The following SOX6 variants were observed in gnomAD, a reference collection of about 807,000 sequenced individuals.
The protein encoded by SOX6 is transcription factor SOX-6.
Under a neutral mutation model 97.8 loss-of-function variants are expected in SOX6, and 11 were observed. That is an observed-to-expected ratio of 0.11 (90% CI 0.07 to 0.19). The LOEUF is 0.19. Among genes scored for constraint, SOX6 ranks in the 10% least tolerant of loss-of-function variants. The pLI, the probability that SOX6 is intolerant of heterozygous loss-of-function variation, is 1.00. For synonymous variants in SOX6, 360 were observed against 371.4 expected (o/e 0.97, Z 0.35); for missense variants, 810 against 1,039.5 (o/e 0.78, Z 3.04).
intron 3 of SOX6, among the ~76,000 whole-genome samples, chr11:16,245,117 A>T (rs910428568): frequency 1.3e-5 from 2 of 151,674 alleles, no homozygotes; most frequent in Admixed American, 1.3e-4. Context: ...CATCCCACAC[A>T]TTTCGTTAGG....
chr11:16,301,317 A>T (rs1346812996), intron 3 of SOX6, among the ~76,000 whole-genome samples: 2 of 152,212 alleles, frequency 1.3e-5, no homozygotes, highest in Non-Finnish European at 2.9e-5. Context: ...ATGGCTAAAA[A>T]TATGTTACCC....
At chr11:16,640,689 A>T (rs11499717) in intron 3 of SOX6, among the ~76,000 whole-genome samples, 151,426 of 152,322 alleles carry the variant, frequency 0.99, 75,277 homozygotes, top group East Asian at 1. Context: ...TTTTCTAGTT[A>T]ATTTGCGTAG....
chr11:16,643,528 C>T (rs1431760850), intron 3 of SOX6, among the ~76,000 whole-genome samples: 1 of 152,228 alleles, frequency 6.6e-6, no homozygotes, highest in Non-Finnish European at 1.5e-5. Context: ...TCTACAGAGG[C>T]AGGCAGGCCT....
At chr11:15,987,492 T>C (rs966627182) in intron 14 of SOX6, among the ~76,000 whole-genome samples, 46 of 152,206 alleles carry the variant, frequency 3.0e-4, no homozygotes, top group Admixed American at 1.0e-3. Flanking sequence ...CTTTACATTT[T>C]AATGAATATA....
intron 1 of SOX6, among the ~76,000 whole-genome samples, chr11:16,391,273 C>T (rs1215797520): frequency 2.6e-5 from 4 of 152,106 alleles, no homozygotes; most frequent in Non-Finnish European, 4.4e-5. Context: ...ACCACCATGG[C>T]ACGTGTATAC....
chr11:16,367,352 T>C (rs1857385382), intron 1 of SOX6, among the ~76,000 whole-genome samples: 1 of 152,108 alleles, frequency 6.6e-6, no homozygotes, highest in South Asian at 2.1e-4. Context: ...ATGTTCCAAA[T>C]GCACCCTCCC....
At chr11:16,055,186 C>T (rs904872024) in intron 10 of SOX6, among the ~76,000 whole-genome samples, 30 of 151,764 alleles carry the variant, frequency 2.0e-4, no homozygotes, top group Admixed American at 6.6e-4. Flanking sequence ...ATTTATTTGT[C>T]CCATTGCCCT....
intron 4 of SOX6, among the ~76,000 whole-genome samples, chr11:16,522,242 T>G (rs904904732): frequency 6.6e-6 from 1 of 151,996 alleles, no homozygotes; most frequent in African/African-American, 2.4e-5. Context: ...AAGGTCGGGT[T>G]ACCCACAAAG....
At chr11:16,376,815 C>G (rs1857653543) in intron 1 of SOX6, among the ~76,000 whole-genome samples, 1 of 151,468 alleles carries the variant, frequency 6.6e-6, no homozygotes, top group African/African-American at 2.4e-5. Context: ...ATTTAGACTT[C>G]AGAACTGACA....
intron 12 of SOX6, among the ~76,000 whole-genome samples, chr11:16,044,875 T>C (rs1855778486): frequency 6.6e-6 from 1 of 152,126 alleles, no homozygotes; most frequent in South Asian, 2.1e-4. Flanking sequence ...ATTGAAACAA[T>C]TTTGCAGCTT....
chr11:16,488,353 C>A (rs1860467482), intron 4 of SOX6, among the ~76,000 whole-genome samples: 1 of 151,980 alleles, frequency 6.6e-6, no homozygotes. Context: ...TATAATCTCA[C>A]TTTCTAAAAT....
chr11:16,523,810 G>A lies in SOX6; in HGVS notation n.610-47422C>T, dbSNP rs532767095. Among the ~76,000 whole-genome samples, 586 of 152,174 alleles carry A rather than the reference G, an allele frequency of 3.9e-3. 4 individuals are homozygous for A. The highest frequency in any genetic ancestry group is 5.9e-3 in the Non-Finnish European group (404 of 67,998). On this transcript the variant is annotated intron_variant and non_coding_transcript_variant, in intron 4 of 5. Coordinates refer to the SOX6 transcript ENST00000524520. Reference sequence around the variant, plus strand: ...AAGTGATAAAGGGGATATCACCACCGATCCCACAGAAATACAAACTACCAT... The same window carrying A: ...AAGTGATAAAGGGGATATCACCACCAATCCCACAGAAATACAAACTACCAT...
At chr11:16,186,744 C>A in intron 5 of SOX6, 39 bp downstream of exon 5, 1 of 1,609,574 alleles carries the variant, frequency 6.2e-7, no homozygotes, top group Non-Finnish European at 8.5e-7. Flanking sequence ...CTGGCACATT[C>A]CACATCTCCA....
intron 3 of SOX6, among the ~76,000 whole-genome samples, chr11:16,249,040 G>T (rs1008024377): frequency 6.6e-6 from 1 of 151,264 alleles, no homozygotes; most frequent in Admixed American, 6.6e-5. Context: ...GGCAGAGGTT[G>T]CAGTGAGCCA....
At chr11:16,553,321 G>A (rs1447768379) in intron 4 of SOX6, among the ~76,000 whole-genome samples, 2 of 152,188 alleles carry the variant, frequency 1.3e-5, no homozygotes, top group South Asian at 2.1e-4. Flanking sequence ...GTTGGCAACT[G>A]TATTTATACT....
intron 2 of SOX6, among the ~76,000 whole-genome samples, chr11:16,721,084 G>A (rs1258444870): frequency 1.3e-5 from 2 of 152,110 alleles, no homozygotes; most frequent in African/African-American, 4.8e-5. Flanking sequence ...TGGGCCTGAG[G>A]CCCAACTTAG....
rs183065035 is a variant in SOX6 at position 16,536,539 on chromosome 11, C to T, written n.610-60151G>A. On this transcript the variant is annotated intron_variant and non_coding_transcript_variant, in intron 4 of 5. Transcript: ENST00000524520. ...GAAGCACAAGGGGTCGGGGATCTCC[C>T]TTTCATAGCCAAGGGAAGCCGTGAC... is the stretch of plus-strand genomic sequence containing the variant. Among the ~76,000 whole-genome samples, 593 of 152,318 alleles carry T rather than the reference C, an allele frequency of 3.9e-3. 3 individuals carry two copies. The highest frequency in any genetic ancestry group is 0.014 in the African/African-American group (574 of 41,582).
chr11:16,288,334 A>T (rs1854811336), intron 3 of SOX6, among the ~76,000 whole-genome samples: 1 of 152,062 alleles, frequency 6.6e-6, no homozygotes, highest in Non-Finnish European at 1.5e-5. Flanking sequence ...ACTTCTGTCC[A>T]CATGACCTGG....
At chr11:16,298,714 T>C (rs922588966) in intron 3 of SOX6, among the ~76,000 whole-genome samples, 1 of 151,214 alleles carries the variant, frequency 6.6e-6, no homozygotes, top group Non-Finnish European at 1.5e-5. Flanking sequence ...GTTTTACTTA[T>C]TTTTTTTTAG....
Sources: allele counts gnomAD v4.1 joint callset (sites outside exome capture counted in the v4.1 genomes callset), GRCh38; gene constraint gnomAD v4.1.1; transcripts MANE v1.5; gene names NCBI Gene and HGNC (gene_info 2026-07-23, HGNC 2026-07-21).